The following ZNF804B variants were observed in gnomAD, a reference collection of about 807,000 sequenced individuals.
ZNF804B encodes zinc finger 804B.
A neutral mutation model predicts 101.4 loss-of-function variants in ZNF804B; 80 were observed. The observed-to-expected ratio is 0.79, with a 90% CI of 0.66 to 0.95. The LOEUF (loss-of-function observed/expected upper bound fraction) is 0.95, where lower values mean the gene tolerates loss of function less well. Among genes scored for constraint, ZNF804B ranks in the 40% least tolerant of loss-of-function variants. The pLI is 0.00. For synonymous variants in ZNF804B, 622 were observed against 558.8 expected (o/e 1.11, Z -1.59); for missense variants, 1,673 against 1,561.9 (o/e 1.07, Z -1.20).
intron 1 of ZNF804B, among the ~76,000 whole-genome samples, chr7:88,859,298 A>G (rs1325313062): frequency 6.6e-6 from 1 of 152,134 alleles, no homozygotes; most frequent in African/African-American, 2.4e-5. Flanking sequence ...AACTCATCAG[A>G]TACAACTAAT....
chr7:89,216,237 G>C lies in ZNF804B; in HGVS notation c.109-1918G>C, dbSNP rs555058977. 1.2e-4 allele frequency among the ~76,000 whole-genome samples: 18 copies of C among 152,314 alleles called. No individual in the cohort carries two copies. In the South Asian group the frequency reaches 2.7e-3, roughly 23 times the overall value. On this transcript the variant is annotated intron_variant, in intron 1 of 3. Transcript: ENST00000333190. ...CGGGAGAATCGCTTGAACTCCGGGAGGGGGAGGTCGCGGTGAGCCGAGATC... is the reference window on the plus strand; with the variant it reads ...CGGGAGAATCGCTTGAACTCCGGGACGGGGAGGTCGCGGTGAGCCGAGATC...
intron 1 of ZNF804B, among the ~76,000 whole-genome samples, chr7:88,965,784 T>C (rs1457395524): frequency 6.6e-6 from 1 of 151,578 alleles, no homozygotes; most frequent in Non-Finnish European, 1.5e-5. Context: ...TGCTATCTAA[T>C]AGCATATCAT....
chr7:88,862,058 G>C (rs1025787871), intron 1 of ZNF804B, among the ~76,000 whole-genome samples: 2 of 152,096 alleles, frequency 1.3e-5, no homozygotes, highest in African/African-American at 4.8e-5. Context: ...ACTACCATCT[G>C]GCATGGCTAA....
At chr7:88,906,971 T>G (rs962015104) in intron 1 of ZNF804B, among the ~76,000 whole-genome samples, 1 of 152,062 alleles carries the variant, frequency 6.6e-6, no homozygotes, top group Non-Finnish European at 1.5e-5. Context: ...AATTGTACCC[T>G]TTGTCATTAT....
chr7:89,232,632 G>A (rs1032441141), intron 2 of ZNF804B, among the ~76,000 whole-genome samples: 1 of 152,022 alleles, frequency 6.6e-6, no homozygotes, highest in African/African-American at 2.4e-5. Context: ...GTATTGTCCA[G>A]TTCATGTATG....
At chr7:89,259,085 A>G (rs1789675770) in intron 2 of ZNF804B, among the ~76,000 whole-genome samples, 1 of 152,174 alleles carries the variant, frequency 6.6e-6, no homozygotes. Context: ...GATAAGTCAA[A>G]AGTAGTCTTA....
intron 1 of ZNF804B, among the ~76,000 whole-genome samples, chr7:88,989,935 C>T (rs1394621676): frequency 6.6e-6 from 1 of 151,918 alleles, no homozygotes; most frequent in Non-Finnish European, 1.5e-5. Flanking sequence ...ACCTACCTAC[C>T]TATTATTTAT....
chr7:89,222,838 T>C (rs940573310), intron 2 of ZNF804B, among the ~76,000 whole-genome samples: 3 of 151,922 alleles, frequency 2.0e-5, no homozygotes, highest in Non-Finnish European at 4.4e-5. Flanking sequence ...TATTGAGAAT[T>C]TTTGTATACG....
At position 89,187,669 on chromosome 7, in the gene ZNF804B, T is replaced by C. The variant is rs1214925486; in HGVS notation, c.109-30486T>C. Among the ~76,000 whole-genome samples, 4 of 152,174 alleles carry C rather than the reference T, an allele frequency of 2.6e-5. No homozygotes were observed. In the East Asian group the frequency reaches 7.7e-4, roughly 29 times the overall value. On this transcript the variant is annotated intron_variant, in intron 1 of 3. Transcript: ENST00000333190. Reference sequence around the variant, plus strand: ...ATTTTTTCTACTGAGTAAATCATTGTGGAAACTAGTGAGCCTGAATATTCA... The same window carrying C: ...ATTTTTTCTACTGAGTAAATCATTGCGGAAACTAGTGAGCCTGAATATTCA...
At chr7:89,220,142 T>TGC (rs1562920462) in intron 2 of ZNF804B, among the ~76,000 whole-genome samples, 2 of 89,554 alleles carry the variant, frequency 2.2e-5, no homozygotes, top group African/African-American at 4.8e-5. Context: ...CATATATGTG[T>TGC]GTATATACAT....
At chr7:89,076,522 T>C (rs1429352959) in intron 1 of ZNF804B, among the ~76,000 whole-genome samples, 1 of 152,178 alleles carries the variant, frequency 6.6e-6, no homozygotes, top group Non-Finnish European at 1.5e-5. Context: ...CTCAGGTATG[T>C]CTTCATCAGC....
intron 1 of ZNF804B, among the ~76,000 whole-genome samples, chr7:89,148,700 G>A (rs988976329): frequency 2.6e-5 from 4 of 151,776 alleles, no homozygotes; most frequent in East Asian, 1.9e-4. Context: ...CACTTAAGAG[G>A]TTTGTGAACA....
intron 1 of ZNF804B, among the ~76,000 whole-genome samples, chr7:89,071,803 C>CACACA (rs1789546096): frequency 6.6e-6 from 1 of 151,866 alleles, no homozygotes; most frequent in African/African-American, 2.4e-5. Context: ...CACACACACA[C>CACACA]ATTTAATTTG....
intron 1 of ZNF804B, among the ~76,000 whole-genome samples, chr7:88,797,499 C>T (rs1790504472): frequency 6.6e-6 from 1 of 152,164 alleles, no homozygotes; most frequent in Non-Finnish European, 1.5e-5. Context: ...TCCAGAGTGA[C>T]TTCTGGTATT....
At chr7:88,993,889 A>G (rs1015981623) in intron 1 of ZNF804B, among the ~76,000 whole-genome samples, 6 of 152,006 alleles carry the variant, frequency 3.9e-5, no homozygotes, top group African/African-American at 1.4e-4. Context: ...ACAAGTGATT[A>G]TACAGGCTCT....
intron 1 of ZNF804B, among the ~76,000 whole-genome samples, chr7:89,183,401 C>T (rs1458766715): frequency 1.3e-5 from 2 of 151,960 alleles, no homozygotes; most frequent in Non-Finnish European, 2.9e-5. Flanking sequence ...AAAAAAAGAT[C>T]CTAAAAACGC....
chr7:88,860,906 C>T (rs924967909), intron 1 of ZNF804B, among the ~76,000 whole-genome samples: 2 of 152,000 alleles, frequency 1.3e-5, no homozygotes, highest in South Asian at 4.1e-4. Context: ...TTGAATGGTA[C>T]AGTTTTATGC....
chr7:89,013,378 C>A (rs193011715), intron 1 of ZNF804B, among the ~76,000 whole-genome samples: 6 of 152,240 alleles, frequency 3.9e-5, no homozygotes, highest in Admixed American at 3.9e-4. Context: ...ATTGAATCTA[C>A]CAGCATGATC....
rs190233351 is a variant in ZNF804B, at chr7:89,161,823, G to T, written c.109-56332G>T. Among the ~76,000 whole-genome samples the T allele has an allele frequency of 1.7e-3, 254 of 152,140 alleles. 1 individual carries two copies. Among genetic ancestry groups the T allele is most frequent in the African/African-American group, 5.4e-3 (226 of 41,514 alleles). On this transcript the variant is annotated intron_variant, in intron 1 of 3. Coordinates refer to ENST00000333190, the MANE Select transcript of ZNF804B (RefSeq NM_181646.5). ...TATCAAAACATTCACTCATATGTTT[G>T]TTATTTGTAATACTTTTTCTGATCT... is the stretch of plus-strand genomic sequence containing the variant.
Sources: gnomAD v4.1 joint callset for allele counts (sites outside exome capture counted in the v4.1 genomes callset) on GRCh38, gnomAD v4.1.1 for gene constraint, MANE v1.5 for transcripts, NCBI Gene and HGNC (gene_info 2026-07-23, HGNC 2026-07-21) for gene names.